The following PRKCH variants were observed in gnomAD, a reference collection of about 807,000 sequenced individuals.
The protein encoded by PRKCH is protein kinase C eta.
Under a neutral mutation model 82.5 loss-of-function variants are expected in PRKCH, and 28 were observed. That is an observed-to-expected ratio of 0.34 (90% CI 0.25 to 0.47). The LOEUF (loss-of-function observed/expected upper bound fraction) is 0.47, where lower values mean the gene tolerates loss of function less well. Ranked by LOEUF, PRKCH falls within the 20% of genes least tolerant of loss-of-function variation. The probability of loss-of-function intolerance (pLI) is 1.00; values close to 1 mark genes in which losing one functional copy is unlikely to be tolerated. For synonymous variants in PRKCH, 322 were observed against 327.4 expected (o/e 0.98, Z 0.18); for missense variants, 705 against 881.8 (o/e 0.80, Z 2.54).
chr14:61,528,977 T>TGTGTGTGTGG, intron 10 of PRKCH, 98 bp from the exon 11 acceptor site: 1 of 940,538 alleles, frequency 1.1e-6, no homozygotes, highest in Non-Finnish European at 1.5e-6. Flanking sequence ...GCCGCACGTG[T>TGTGTGTGTGG]GTGTGTGTGT....
intron 1 of PRKCH, among the ~76,000 whole-genome samples, chr14:61,236,462 C>T (rs1236321723): frequency 1.3e-5 from 2 of 151,890 alleles, no homozygotes; most frequent in East Asian, 3.9e-4. Context: ...GTAATCCCAG[C>T]ACTTTGGGAG....
chr14:61,425,787 C>T (rs1386169145), intron 2 of PRKCH, among the ~76,000 whole-genome samples: 1 of 152,210 alleles, frequency 6.6e-6, no homozygotes, highest in Non-Finnish European at 1.5e-5. Flanking sequence ...ACCTAAACCT[C>T]ATCTTGAATT....
Position 61,513,239 on chromosome 14 carries a change from A to G in PRKCH, c.1434-15836A>G, listed in dbSNP as rs184033347. Among the ~76,000 whole-genome samples, 136 of 152,328 alleles carry G rather than the reference A, an allele frequency of 8.9e-4. 1 individual carries two copies. Among genetic ancestry groups the G allele is most frequent in the African/African-American group, 3.1e-3 (129 of 41,538 alleles). ...GGGAATGCAACCAAAGTTTAAGGTA[A>G]GAAACTCAGAGCTTGTTCAGTTCAG... On this transcript the variant is annotated intron_variant, in intron 10 of 13. Coordinates refer to ENST00000332981, the MANE Select transcript of PRKCH (RefSeq NM_006255.5).
At position 61,473,918 on chromosome 14, in the gene PRKCH, C is replaced by T. The variant is rs3783783; in HGVS notation, c.1279-11584C>T. Among the ~76,000 whole-genome samples the T allele has an allele frequency of 3.3e-3, 494 of 151,896 alleles. 14 individuals are homozygous for T. The East Asian group carries it at 0.066, about 20-fold the overall frequency. On this transcript the variant is annotated intron_variant, in intron 9 of 13. Transcript: ENST00000332981. ...TGAGGCAGGGAGAATCGCTTGCACC[C>T]GGGAGGCAAAGGTTGCAGTGAACCA...
chr14:61,367,514 G>A (rs1301994996), intron 1 of PRKCH, among the ~76,000 whole-genome samples: 1 of 151,864 alleles, frequency 6.6e-6, no homozygotes, highest in Non-Finnish European at 1.5e-5. Context: ...TCAGCACCCA[G>A]TAGGTAGGTG....
At chr14:61,376,802 T>G (rs1433410382) in intron 1 of PRKCH, among the ~76,000 whole-genome samples, 1 of 152,250 alleles carries the variant, frequency 6.6e-6, no homozygotes, top group Non-Finnish European at 1.5e-5. Context: ...TCCAAACCTT[T>G]CGTCCATTGC....
intron 10 of PRKCH, among the ~76,000 whole-genome samples, chr14:61,520,957 CA>C (rs1184962856): frequency 1.3e-5 from 2 of 152,070 alleles, no homozygotes; most frequent in East Asian, 3.9e-4. Context: ...TTTGAAGTTG[CA>C]AAAAATTTAA....
chr14:61,514,314 TAAA>T (rs546556676), intron 10 of PRKCH, among the ~76,000 whole-genome samples: 3 of 132,116 alleles, frequency 2.3e-5, no homozygotes, highest in Non-Finnish European at 1.6e-5. Context: ...TCTTCTCCTT[TAAA>T]AAAAAAAAAA....
At chr14:61,248,782 ATGTATGTATGTATGTATG>A (rs1313718191) in intron 1 of PRKCH, among the ~76,000 whole-genome samples, 14 of 75,560 alleles carry the variant, frequency 1.9e-4, no homozygotes, top group East Asian at 1.5e-3. Context: ...GTATGTATGT[ATGTATGTATGTATGTATG>A]TGTGTGTGTG....
chr14:61,370,181 G>C (rs760611058), intron 1 of PRKCH, among the ~76,000 whole-genome samples: 8 of 152,120 alleles, frequency 5.3e-5, no homozygotes, highest in Non-Finnish European at 8.8e-5. Flanking sequence ...GACCTCAAGT[G>C]ATCCGCCTGC....
intron 9 of PRKCH, among the ~76,000 whole-genome samples, chr14:61,479,430 A>G (rs1885869094): frequency 6.6e-6 from 1 of 152,156 alleles, no homozygotes; most frequent in Admixed American, 6.5e-5. Flanking sequence ...ATGCTGAGGA[A>G]GGGATCACCA....
intron 2 of PRKCH, chr14:61,442,899 C>CT: frequency 2.2e-6 from 1 of 459,214 alleles, no homozygotes. Flanking sequence ...GATTGAGCCA[C>CT]TGCACTTCAG....
At chr14:61,233,390 C>A (rs1180892008) in intron 1 of PRKCH, among the ~76,000 whole-genome samples, 24 of 147,544 alleles carry the variant, frequency 1.6e-4, no homozygotes, top group Non-Finnish European at 1.5e-4. Flanking sequence ...GACCTTGTCT[C>A]AAAAAAAAAG....
At chr14:61,300,067 G>A (rs890163892) in intron 1 of PRKCH, among the ~76,000 whole-genome samples, 2 of 152,148 alleles carry the variant, frequency 1.3e-5, no homozygotes, top group Admixed American at 6.5e-5. Flanking sequence ...GTGAGTGTAT[G>A]TCCAAAGTCT....
At chr14:61,389,129 A>G (rs997387935) in intron 1 of PRKCH, among the ~76,000 whole-genome samples, 1 of 152,180 alleles carries the variant, frequency 6.6e-6, no homozygotes, top group East Asian at 1.9e-4. Context: ...TAATCCCAGC[A>G]CTCTGGGAGG....
chr14:61,444,101 C>G (rs1220762144), intron 3 of PRKCH, among the ~76,000 whole-genome samples: 1 of 152,094 alleles, frequency 6.6e-6, no homozygotes, highest in Non-Finnish European at 1.5e-5. Context: ...ATTTTGTTTT[C>G]TGTGATTATT....
chr14:61,415,374 A>G (rs1027528925), intron 2 of PRKCH, among the ~76,000 whole-genome samples: 1 of 152,128 alleles, frequency 6.6e-6, no homozygotes, highest in Non-Finnish European at 1.5e-5. Context: ...CCTACCCCCC[A>G]TCTCCCACAG....
intron 10 of PRKCH, among the ~76,000 whole-genome samples, chr14:61,499,249 T>C (rs1886794639): frequency 6.6e-6 from 1 of 152,236 alleles, no homozygotes; most frequent in Non-Finnish European, 1.5e-5. Flanking sequence ...TTTTCCTTTG[T>C]CTTGCAAATG....
chr14:61,222,026 C>A (rs1446535281), intron 1 of PRKCH, among the ~76,000 whole-genome samples: 1 of 152,002 alleles, frequency 6.6e-6, no homozygotes, highest in Admixed American at 6.5e-5. Context: ...AGGCAGCCTG[C>A]AGTGCCCCCT....
Sources: allele counts gnomAD v4.1 joint callset (sites outside exome capture counted in the v4.1 genomes callset), GRCh38; gene constraint gnomAD v4.1.1; transcripts MANE v1.5; gene names NCBI Gene and HGNC (gene_info 2026-07-23, HGNC 2026-07-21).